The following GRIK2 variants were observed in gnomAD, a reference collection of about 807,000 sequenced individuals.
GRIK2 encodes the protein glutamate receptor ionotropic, kainate 2.
GRIK2 carries 32 observed loss-of-function variants against 100.3 expected under a neutral mutation model. The ratio of observed to expected loss-of-function variants is 0.32; its 90% CI spans 0.24 to 0.43. The LOEUF (loss-of-function observed/expected upper bound fraction) is 0.43. GRIK2 is among the 20% of genes least tolerant of loss of function. GRIK2 has a pLI of 1.00. For missense variants in GRIK2, 843 were observed against 1,114.9 expected (o/e 0.76, Z 3.47); for synonymous variants, 417 against 389.4 (o/e 1.07, Z -0.83).
At chr6:101,955,068 A>G (rs972087247) in intron 14 of GRIK2, among the ~76,000 whole-genome samples, 15 of 152,076 alleles carry the variant, frequency 9.9e-5, no homozygotes, top group Non-Finnish European at 1.6e-4. Context: ...CTTGGTGTAT[A>G]ATTATTTTTC....
chr6:101,993,590 T>C (rs1794490032), intron 14 of GRIK2: 1 of 150,798 alleles, frequency 6.6e-6, no homozygotes, highest in Non-Finnish European at 1.5e-5. Context: ...TCTGTAACAA[T>C]ATAGTACTTT....
intron 7 of GRIK2, among the ~76,000 whole-genome samples, chr6:101,776,933 A>G (rs747790777): frequency 1.8e-4 from 27 of 152,054 alleles, no homozygotes; most frequent in Non-Finnish European, 3.4e-4. Context: ...TACTTTCTAA[A>G]CTGGTTCCTT....
At chr6:101,946,354 C>A (rs915283888) in intron 14 of GRIK2, among the ~76,000 whole-genome samples, 3 of 151,690 alleles carry the variant, frequency 2.0e-5, no homozygotes, top group African/African-American at 7.3e-5. Flanking sequence ...TGGGCAACAA[C>A]CCCCATCTTT....
In GRIK2 at chr6:101,744,558, A is replaced by ATCTATCTATC. The variant is rs1554257130; in HGVS notation, c.952-55088_952-55087insTATCTATCTC. The stretch of plus-strand genomic sequence containing the variant: ...TATATATATATATATATATATATAT[A>ATCTATCTATC]TCACAATTTCTTTTTCTTTTTCTTT... On this transcript the variant is annotated intron_variant, in intron 7 of 16. Transcript: ENST00000369134. The ATCTATCTATC allele has an allele frequency of 2.9e-3, 336 of 114,982 alleles. 4 individuals carry two copies. Among genetic ancestry groups the ATCTATCTATC allele is most frequent in the African/African-American group, 0.012 (322 of 26,962 alleles). The allele number at this position is 114,982 out of a possible 1,614,324, so 7.1% of individuals were successfully genotyped here. A position where few individuals can be genotyped will look rare whatever the true frequency, so the allele number is the denominator to read the frequency against.
chr6:101,934,508 A>G (rs1275750258), intron 14 of GRIK2, among the ~76,000 whole-genome samples: 1 of 151,914 alleles, frequency 6.6e-6, no homozygotes, highest in Non-Finnish European at 1.5e-5. Context: ...CTAGTGTGGC[A>G]TGCCTGCAAT....
intron 9 of GRIK2, among the ~76,000 whole-genome samples, chr6:101,813,894 G>A (rs1383597575): frequency 2.6e-5 from 4 of 151,462 alleles, no homozygotes; most frequent in Admixed American, 6.6e-5. Context: ...AACCCAGGAA[G>A]TAGAGGTTGC....
rs909793770 is a variant in GRIK2, at chr6:101,742,512, C to T, written c.951+56159C>T. Among the ~76,000 whole-genome samples the T allele has an allele frequency of 3.3e-5, 5 of 152,156 alleles. No individual in the cohort carries two copies. In the South Asian group the frequency reaches 8.3e-4, roughly 25 times the overall value. On this transcript the variant is annotated intron_variant, in intron 7 of 16. Coordinates refer to ENST00000369134, the MANE Select transcript of GRIK2 (RefSeq NM_021956.5). The stretch of plus-strand genomic sequence containing the variant: ...CCTGAGAACACGTCCTCAAGGTGGT[C>T]GGGGTGCAGCTTGGTTTTATACATT...
chr6:101,444,598 T>C (rs945179403), intron 2 of GRIK2, among the ~76,000 whole-genome samples: 1 of 152,124 alleles, frequency 6.6e-6, no homozygotes, highest in Non-Finnish European at 1.5e-5. Flanking sequence ...TTCTCCTTAA[T>C]TGCATTTTCT....
intron 16 of GRIK2, among the ~76,000 whole-genome samples, chr6:102,058,696 A>G (rs944616769): frequency 6.6e-6 from 1 of 151,474 alleles, no homozygotes; most frequent in Non-Finnish European, 1.5e-5. Flanking sequence ...GTTTACTTTT[A>G]CTTATCATAA....
intron 7 of GRIK2, among the ~76,000 whole-genome samples, chr6:101,786,995 C>T (rs117586182): frequency 2.0e-5 from 3 of 152,060 alleles, no homozygotes; most frequent in Non-Finnish European, 4.4e-5. Flanking sequence ...AATTTTGTTA[C>T]TCTTATTAGC....
rs185054205 is a variant in GRIK2 at position 101,424,619 on chromosome 6, A to C, written c.115+25227A>C. 5.8e-3 allele frequency among the ~76,000 whole-genome samples: 874 copies of C among 150,292 alleles called. 3 individuals are homozygous for C. Among genetic ancestry groups the C allele is most frequent in the African/African-American group, 0.02 (834 of 40,810 alleles). ...TTTAGGTTACATGTGCACAATGTGC[A>C]GGTTTGTTACATATGTATACATGTG... On this transcript the variant is annotated intron_variant, in intron 2 of 16. Coordinates refer to ENST00000369134, the MANE Select transcript of GRIK2 (RefSeq NM_021956.5).
chr6:101,461,194 A>G (rs1366280781), intron 2 of GRIK2, among the ~76,000 whole-genome samples: 1 of 152,220 alleles, frequency 6.6e-6, no homozygotes, highest in African/African-American at 2.4e-5. Context: ...TGATATAACA[A>G]TTACTGCAAC....
At chr6:102,023,504 G>A (rs1399205780) in intron 14 of GRIK2, among the ~76,000 whole-genome samples, 1 of 151,394 alleles carries the variant, frequency 6.6e-6, no homozygotes, top group Non-Finnish European at 1.5e-5. Flanking sequence ...AGAAGGTTTT[G>A]GATTGATTTT....
intron 11 of GRIK2, among the ~76,000 whole-genome samples, chr6:101,874,378 G>C (rs1367986346): frequency 4.6e-5 from 7 of 152,058 alleles, no homozygotes; most frequent in East Asian, 1.9e-4. Flanking sequence ...TCTTGTTTTT[G>C]TCAGGTTTGT....
chr6:101,754,018 T>C (rs1039930565), intron 7 of GRIK2, among the ~76,000 whole-genome samples: 1 of 152,186 alleles, frequency 6.6e-6, no homozygotes, highest in Non-Finnish European at 1.5e-5. Context: ...AGTATAAAGA[T>C]AAATTACTTT....
intron 15 of GRIK2, among the ~76,000 whole-genome samples, chr6:102,051,421 TG>T (rs1278346671): frequency 1.3e-5 from 2 of 152,108 alleles, no homozygotes; most frequent in Non-Finnish European, 2.9e-5. Flanking sequence ...ATGGAGAATT[TG>T]TTTAAATTAT....
rs550910831 is a variant in GRIK2 at position 101,808,499 on chromosome 6, C to T, written c.1203+6061C>T. 7.2e-5 allele frequency among the ~76,000 whole-genome samples: 11 copies of T among 151,988 alleles called. No homozygotes were observed. In the South Asian group the frequency reaches 2.1e-3, roughly 29 times the overall value. On this transcript the variant is annotated intron_variant, in intron 9 of 16. Coordinates refer to ENST00000369134, the MANE Select transcript of GRIK2 (RefSeq NM_021956.5). ...GTCAGTCTTTTACTGTTACACTTTC[C>T]TGGTTATTCAAAATAATTTTTATTG...
chr6:101,461,496 G>C (rs928921359), intron 2 of GRIK2, among the ~76,000 whole-genome samples: 1 of 152,086 alleles, frequency 6.6e-6, no homozygotes, highest in Non-Finnish European at 1.5e-5. Flanking sequence ...AACCAATAGT[G>C]GCCAGTCTAG....
intron 2 of GRIK2, among the ~76,000 whole-genome samples, chr6:101,440,140 G>C (rs755173450): frequency 6.6e-6 from 1 of 151,974 alleles, no homozygotes; most frequent in East Asian, 1.9e-4. Flanking sequence ...AAAAATGATG[G>C]GGTATCAAAG....
Sources: allele counts gnomAD v4.1 joint callset (sites outside exome capture counted in the v4.1 genomes callset), GRCh38; gene constraint gnomAD v4.1.1; transcripts MANE v1.5; gene names NCBI Gene and HGNC (gene_info 2026-07-23, HGNC 2026-07-21).